Variants in QRFPR observed in about 807,000 individuals in gnomAD.
The protein encoded by QRFPR is pyroglutamylated RF-amide peptide receptor.
QRFPR carries 37 observed loss-of-function variants against 31.3 expected under a neutral mutation model. That is an observed-to-expected ratio of 1.18 (90% confidence interval 0.91 to 1.56). The LOEUF is 1.56. Among genes scored for constraint, QRFPR ranks in the 40% most tolerant of loss-of-function variants. The probability of loss-of-function intolerance (pLI) is 0.00; values close to 1 mark genes in which losing one functional copy is unlikely to be tolerated. For missense variants in QRFPR, 542 were observed against 532.5 expected, an observed-to-expected ratio of 1.02 and a Z score of -0.18; for synonymous variants, 197 against 192.0, an observed-to-expected ratio of 1.03 and a Z score of -0.22.
chr4:121,372,967 G>T (rs751510491), intron 1 of QRFPR, among the ~76,000 whole-genome samples: 6 of 152,154 alleles, frequency 3.9e-5, no homozygotes, highest in East Asian at 1.9e-4. Context: ...TGGCCGCCGA[G>T]GGGGAGGATG....
chr4:121,329,794 AC>A, intron 5 of QRFPR, 80 bp from the exon 6 acceptor site: 3 of 1,034,336 alleles, frequency 2.9e-6, no homozygotes, highest in Non-Finnish European at 4.1e-6. Flanking sequence ...CCTGTCAAAG[AC>A]TTAAACTTGT....
At chr4:121,333,502 G>A (rs546341838) in intron 3 of QRFPR, among the ~76,000 whole-genome samples, 7 of 152,284 alleles carry the variant, frequency 4.6e-5, no homozygotes, top group African/African-American at 1.7e-4. Flanking sequence ...TCTTTCAATT[G>A]AAAAGTACTG....
At chr4:121,359,863 C>T (rs940392367) in intron 1 of QRFPR, among the ~76,000 whole-genome samples, 28 of 151,488 alleles carry the variant, frequency 1.8e-4, no homozygotes, top group African/African-American at 6.6e-4. Context: ...CTAGGGAACC[C>T]TGACTAATAC....
In QRFPR at chr4:121,364,025, T is replaced by TTCATAATCAAG. The variant is rs561987004; in HGVS notation, c.340+16272_340+16282dup. ...ATGATAACTGGCTGAAGTTATCATTTTCATAATCAAGTCATAATCAAGTCA... is the reference window on the plus strand; with the variant it reads ...ATGATAACTGGCTGAAGTTATCATTTTCATAATCAAGTCATAATCAAGTCATAATCAAGTCA... On this transcript the variant is annotated intron_variant, in intron 1 of 5. Transcript: ENST00000394427. Among the ~76,000 whole-genome samples the TTCATAATCAAG allele has an allele frequency of 1.8e-3, 276 of 150,086 alleles. 18 individuals are homozygous for TTCATAATCAAG. Among genetic ancestry groups the TTCATAATCAAG allele is most frequent in the Middle Eastern group, 6.8e-3 (2 of 292 alleles).
At chr4:121,355,070 T>C (rs924260028) in intron 1 of QRFPR, among the ~76,000 whole-genome samples, 2 of 152,048 alleles carry the variant, frequency 1.3e-5, no homozygotes, top group Non-Finnish European at 2.9e-5. Flanking sequence ...GTTTTGGGGT[T>C]ATACTGACTT....
At chr4:121,376,306 G>C (rs35292409) in intron 1 of QRFPR, among the ~76,000 whole-genome samples, 25,202 of 152,090 alleles carry the variant, frequency 0.17, 2,522 homozygotes, top group Non-Finnish European at 0.24. Flanking sequence ...AGCCAATAAG[G>C]CAATGATGGT....
chr4:121,379,448 G>C (rs984236941), intron 1 of QRFPR, among the ~76,000 whole-genome samples: 1 of 152,200 alleles, frequency 6.6e-6, no homozygotes, highest in Non-Finnish European at 1.5e-5. Flanking sequence ...GGAGGCCCAT[G>C]GTGCACCTTA....
intron 1 of QRFPR, among the ~76,000 whole-genome samples, chr4:121,353,288 T>G (rs2110475670): frequency 6.6e-6 from 1 of 152,158 alleles, no homozygotes; most frequent in Admixed American, 6.6e-5. Context: ...GTGAAGAACC[T>G]CCATACTGTT....
intron 1 of QRFPR, among the ~76,000 whole-genome samples, chr4:121,363,561 G>T (rs915646468): frequency 1.0e-4 from 15 of 149,808 alleles, no homozygotes; most frequent in African/African-American, 3.0e-4. Context: ...GGCCAACAAG[G>T]TTCCTTCTTT....
Position 121,379,611 on chromosome 4 carries a change from C to T in QRFPR, c.340+697G>A, listed in dbSNP as rs184425484. The stretch of plus-strand genomic sequence containing the variant: ...CCAACTCAGTGACTCCACCTCTCCT[C>T]TGTCATTTTTTTTCCCCCATTATAC... On this transcript the variant is annotated intron_variant, in intron 1 of 5. Transcript: ENST00000394427. 2.3e-3 allele frequency among the ~76,000 whole-genome samples: 354 copies of T among 152,324 alleles called. 2 individuals are homozygous for T. The highest frequency in any genetic ancestry group is 8.1e-3 in the African/African-American group (335 of 41,574).
chr4:121,351,784 G>A (rs571000961), intron 1 of QRFPR, among the ~76,000 whole-genome samples: 1 of 151,250 alleles, frequency 6.6e-6, no homozygotes, highest in Non-Finnish European at 1.5e-5. Context: ...GAGTACTTAT[G>A]TAATTTATGT....
chr4:121,365,600 ATAATATATATATT>A (rs1159946645), intron 1 of QRFPR, among the ~76,000 whole-genome samples: 1 of 12,446 alleles, frequency 8.0e-5, no homozygotes, highest in Non-Finnish European at 1.3e-4. Context: ...TTATATATAT[ATAATATATATATT>A]ATATATATTA....
At chr4:121,365,580 AT>A (rs1333571821) in intron 1 of QRFPR, among the ~76,000 whole-genome samples, 568 of 4,818 alleles carry the variant, frequency 0.12, 83 homozygotes, top group African/African-American at 0.37. Context: ...TATAATATAT[AT>A]TATATATATT....
At chr4:121,367,429 A>C (rs1266693603) in intron 1 of QRFPR, among the ~76,000 whole-genome samples, 1 of 150,354 alleles carries the variant, frequency 6.7e-6, no homozygotes, top group Non-Finnish European at 1.5e-5. Context: ...TTGAATCCTC[A>C]TAGTTTGAGC....
chr4:121,378,509 G>A (rs1357269854), intron 1 of QRFPR, among the ~76,000 whole-genome samples: 1 of 151,086 alleles, frequency 6.6e-6, no homozygotes, highest in East Asian at 2.0e-4. Context: ...GCCTCCCGGG[G>A]TCAAGCCAAG....
chr4:121,366,613 C>T lies in QRFPR; in HGVS notation c.340+13695G>A, dbSNP rs1021215133. 2.0e-5 allele frequency among the ~76,000 whole-genome samples: 3 copies of T among 149,720 alleles called. 1 individual carries two copies. The highest frequency in any genetic ancestry group is 5.0e-5 in the African/African-American group (2 of 40,370). The stretch of plus-strand genomic sequence containing the variant: ...AAAACAATGAGCCCCTATGAGGTCA[C>T]CAGATAGATGTAGCACTGAGAGTGA... On this transcript the variant is annotated intron_variant, in intron 1 of 5. Transcript: ENST00000394427.
chr4:121,370,321 G>A (rs1007747867), intron 1 of QRFPR: 2 of 766,416 alleles, frequency 2.6e-6, no homozygotes, highest in African/African-American at 3.4e-5. Flanking sequence ...TCAAGAGCAG[G>A]CACTTCTGGT....
At chr4:121,329,781 T>C (rs1725287461) in intron 5 of QRFPR, 67 bp from the exon 6 acceptor site, 6 of 1,149,518 alleles carry the variant, frequency 5.2e-6, no homozygotes, top group Non-Finnish European at 5.9e-6. Flanking sequence ...CTTCTGTTTG[T>C]CACCTGTCAA....
intron 1 of QRFPR, chr4:121,369,448 G>T: frequency 1.1e-6 from 1 of 947,584 alleles, no homozygotes; most frequent in South Asian, 1.6e-5. Context: ...CAGTGGGTGT[G>T]AGCACATTCA....
Sources: allele counts gnomAD v4.1 joint callset (sites outside exome capture counted in the v4.1 genomes callset), GRCh38; gene constraint gnomAD v4.1.1; transcripts MANE v1.5; gene names NCBI Gene and HGNC (gene_info 2026-07-23, HGNC 2026-07-21).